FHL3: variants seen among roughly 807,000 people sequenced by gnomAD.
FHL3 encodes the protein four and a half LIM domains 3, also known as four and a half LIM domains protein 3.
Under a neutral mutation model 34.3 loss-of-function variants are expected in FHL3, and 21 were observed. That is an observed-to-expected ratio of 0.61 (90% CI 0.43 to 0.88). The LOEUF is 0.88. Ranked by LOEUF, FHL3 falls within the 40% of genes least tolerant of loss-of-function variation. The probability of loss-of-function intolerance (pLI) is 0.00; values close to 1 mark genes in which losing one functional copy is unlikely to be tolerated. For synonymous variants in FHL3, 137 were observed against 144.6 expected (o/e 0.95, Z 0.38); for missense variants, 333 against 373.7 (o/e 0.89, Z 0.90).
chr1:37,999,687 G>A (rs1429930794), intron 1 of FHL3, among the ~76,000 whole-genome samples: 1 of 152,192 alleles, frequency 6.6e-6, no homozygotes, highest in Non-Finnish European at 1.5e-5. Flanking sequence ...CTAGGCCCTA[G>A]CAGATCTAGG....
At chr1:38,004,788 T>C (rs1168135248) in intron 1 of FHL3, among the ~76,000 whole-genome samples, 2 of 152,200 alleles carry the variant, frequency 1.3e-5, no homozygotes, top group East Asian at 3.9e-4. Context: ...AGATTCAGCA[T>C]GAGGCCAATG....
At chr1:38,001,222 C>T (rs1646590688) in intron 1 of FHL3, among the ~76,000 whole-genome samples, 1 of 152,192 alleles carries the variant, frequency 6.6e-6, no homozygotes, top group Admixed American at 6.5e-5. Flanking sequence ...AGAAGATACT[C>T]CTCTTTCTCA....
chr1:38,004,168 AG>A (rs1441818816), intron 1 of FHL3, among the ~76,000 whole-genome samples: 1 of 152,100 alleles, frequency 6.6e-6, no homozygotes. Flanking sequence ...AGTTTAGGGA[AG>A]GGGGTTGGGG....
At chr1:38,001,526 A>C (rs1187629017) in intron 1 of FHL3, among the ~76,000 whole-genome samples, 1 of 152,206 alleles carries the variant, frequency 6.6e-6, no homozygotes, top group East Asian at 1.9e-4. Flanking sequence ...GCCCTAGTCT[A>C]TCCAGCTGGG....
chr1:38,002,979 G>A (rs918151445), intron 1 of FHL3, among the ~76,000 whole-genome samples: 10 of 151,808 alleles, frequency 6.6e-5, no homozygotes, highest in African/African-American at 2.4e-4. Context: ...CCAACATGGT[G>A]AAAACCCATC....
At chr1:38,001,486 G>A (rs1646593846) in intron 1 of FHL3, among the ~76,000 whole-genome samples, 1 of 152,214 alleles carries the variant, frequency 6.6e-6, no homozygotes, top group Non-Finnish European at 1.5e-5. Flanking sequence ...TATGGGCATG[G>A]CTTCTATTTC....
Position 37,997,753 on chromosome 1 carries a change from G to A in FHL3, c.619C>T (p.Pro207Ser). The change falls in exon 5 of 6, where the codon CCC (proline) becomes TCC (serine). Residue 207 changes from proline (P) to serine (S), a missense_variant. Coordinates refer to ENST00000373016, the MANE Select transcript of FHL3 (RefSeq NM_004468.5). This position sits in a 1 kb window ranked among gnomAD's most constrained non-coding sequence, Gnocchi z 4.3. ...TCTCCAAAACAGGCCACACAGTAGG[G>A]ATCTTCATCCCGGGAGGTGAACTGC... ...GQQFTSRDEDPYCVACFGELF... is the reference protein window; with the variant it reads ...GQQFTSRDEDSYCVACFGELF... The A allele has an allele frequency of 1.2e-6, 2 of 1,614,180 alleles. No homozygotes were observed. The highest frequency in any genetic ancestry group is 1.7e-6 in the Non-Finnish European group (2 of 1,180,030).
intron 1 of FHL3, among the ~76,000 whole-genome samples, chr1:38,004,688 T>C (rs988201603): frequency 4.6e-5 from 7 of 152,162 alleles, no homozygotes; most frequent in African/African-American, 1.7e-4. Flanking sequence ...TCCCTTTCTC[T>C]GTCTCTGCAT....
chr1:38,003,036 T>A (rs1646611150), intron 1 of FHL3, among the ~76,000 whole-genome samples: 1 of 151,884 alleles, frequency 6.6e-6, no homozygotes, highest in Non-Finnish European at 1.5e-5. Flanking sequence ...CGGGCGCCTG[T>A]AAGCCCAGCT....
At position 37,997,482 on chromosome 1, in the gene FHL3, T is replaced by C; in HGVS notation, c.766A>G (p.Thr256Ala). 1.2e-6 allele frequency: 2 copies of C among 1,613,596 alleles called. No homozygotes were observed. Among genetic ancestry groups the C allele is most frequent in the Non-Finnish European group, 1.7e-6 (2 of 1,179,858 alleles). Reference protein sequence around the residue: ...HNCFSCARCSTSLVGQGFVPD... With the variant: ...HNCFSCARCSASLVGQGFVPD... The stretch of plus-strand genomic sequence containing the variant: ...ACGAAGCCCTGGCCCACCAGGGAGG[T>C]AGAGCAGCGGGCGCAGGAGAAGCAG... The change falls in exon 6 of 6, where the codon ACC becomes GCC. Residue 256 changes from threonine (T) to alanine (A), a missense_variant. Transcript: ENST00000373016. This position sits in a 1 kb window ranked among gnomAD's most constrained non-coding sequence, Gnocchi z 4.3.
At chr1:38,003,280 T>G (rs998995318) in intron 1 of FHL3, among the ~76,000 whole-genome samples, 1 of 152,200 alleles carries the variant, frequency 6.6e-6, no homozygotes, top group Admixed American at 6.5e-5. Context: ...TTTTTCTATT[T>G]TTTGTAGAGA....
chr1:37,997,502 A>T lies in FHL3; in HGVS notation c.746T>A (p.Phe249Tyr). ...FEDRHWHHNCFSCARCSTSLV... is the reference protein window; with the variant it reads ...FEDRHWHHNCYSCARCSTSLV... ...GGAGGTAGAGCAGCGGGCGCAGGAG[A>T]AGCAGTTGTGGTGCCAGTGTCGGTC... is the stretch of plus-strand genomic sequence containing the variant. The change falls in exon 6 of 6, where the codon TTC becomes TAC. Residue 249 changes from phenylalanine (F) to tyrosine (Y), a missense_variant. By Grantham distance (22) the Phe-to-Tyr change is conservative (BLOSUM62 3). Coordinates refer to ENST00000373016, the MANE Select transcript of FHL3 (RefSeq NM_004468.5). This position sits in a 1 kb window ranked among gnomAD's most constrained non-coding sequence, Gnocchi z 4.3. The T allele has an allele frequency of 1.2e-6, 2 of 1,611,266 alleles. No homozygotes were observed. Among genetic ancestry groups the T allele is most frequent in the Non-Finnish European group, 1.7e-6 (2 of 1,178,960 alleles).
chr1:37,997,679 C>T lies in FHL3; in HGVS notation c.688+5G>A. The T allele has an allele frequency of 1.9e-6, 3 of 1,613,982 alleles. No homozygotes were observed. Among genetic ancestry groups the T allele is most frequent in the Non-Finnish European group, 2.5e-6 (3 of 1,179,902 alleles). On this transcript the variant is annotated splice_donor_5th_base_variant and intron_variant, in intron 5 of 5. Coordinates refer to ENST00000373016, the MANE Select transcript of FHL3 (RefSeq NM_004468.5). The surrounding 1 kb of genome is among the most constrained non-coding windows in gnomAD (Gnocchi z 4.3). ...ACCCACTCCGTTCTTTGACCCTTGT[C>T]CCACCTACGATGGGGCGCTTGCAGC...
At chr1:37,999,468 G>C in intron 1 of FHL3, 36 bp from the exon 2 acceptor site, 1 of 1,597,898 alleles carries the variant, frequency 6.3e-7, no homozygotes, top group Non-Finnish European at 8.5e-7. Flanking sequence ...GGGTCACACA[G>C]AGAGGCTGTG....
chr1:37,998,215 C>T, intron 3 of FHL3, 83 bp from the exon 4 acceptor site: 1 of 1,281,662 alleles, frequency 7.8e-7, no homozygotes. Flanking sequence ...GGAGTCTCCA[C>T]TCCTCTCTCA....
rs769206310 is a variant in FHL3 at position 37,997,544 on chromosome 1, T to A, written c.704A>T (p.Lys235Met). 1 of 1,613,270 alleles carries A rather than the reference T, an allele frequency of 6.2e-7. No homozygotes were observed. Reference sequence around the variant, plus strand: ...GTGTCGGTCTTCAAAGGACACATACTTGCCTCCACCGAGTCCTGGAGGGAG... The same window carrying A: ...GTGTCGGTCTTCAAAGGACACATACATGCCTCCACCGAGTCCTGGAGGGAG... ...KRPIVGLGGG[K>M]YVSFEDRHWH... Residue 235 changes from lysine (K) to methionine (M), a missense_variant, in exon 6 of 6, where the codon AAG becomes ATG. Coordinates refer to ENST00000373016, the MANE Select transcript of FHL3 (RefSeq NM_004468.5). This position sits in a 1 kb window ranked among gnomAD's most constrained non-coding sequence, Gnocchi z 4.3.
At chr1:37,998,228 G>A (rs1220334172) in intron 3 of FHL3, 96 bp from the exon 4 acceptor site, 8 of 1,104,784 alleles carry the variant, frequency 7.2e-6, no homozygotes, top group Non-Finnish European at 9.3e-6. Context: ...CTCTCTCAGC[G>A]TGAGCAGGGT....
At position 37,997,793 on chromosome 1, in the gene FHL3, C is replaced by T. The variant is rs200099240; in HGVS notation, c.579G>A (p.Thr193=). The change falls in exon 5 of 6, where the codon ACG becomes ACA. Residue 193 remains threonine, a synonymous_variant. Coordinates refer to ENST00000373016, the MANE Select transcript of FHL3 (RefSeq NM_004468.5). The surrounding 1 kb of genome is among the most constrained non-coding windows in gnomAD (Gnocchi z 4.3). The part of the protein sequence containing the change: ...RECLVCTGCQ[T]PLAGQQFTSR... ...AGGTGAACTGCTGCCCTGCCAGGGG[C>T]GTCTGGCATCCGGTACAGACCAGAC... The T allele has an allele frequency of 3.1e-4, 501 of 1,614,146 alleles. 3 individuals are homozygous for T. In the South Asian group the frequency reaches 5.0e-3, roughly 16 times the overall value.
chr1:37,998,811 CAGG>C (rs2148730284), intron 3 of FHL3, 160 bp downstream of exon 3: 1 of 686,398 alleles, frequency 1.5e-6, no homozygotes, highest in South Asian at 1.9e-5. Context: ...TAGTAGCCCC[CAGG>C]AGTATACCAG....
Sources: allele counts gnomAD v4.1 joint callset (sites outside exome capture counted in the v4.1 genomes callset), GRCh38; gene constraint gnomAD v4.1.1; non-coding constraint Gnocchi (gnomAD v3.1); transcripts MANE v1.5; gene names NCBI Gene and HGNC (gene_info 2026-07-23, HGNC 2026-07-21).